OTOG: variants seen among roughly 807,000 people sequenced by gnomAD.
OTOG encodes the protein otogelin.
In OTOG, 296 loss-of-function variants were observed where a neutral mutation model predicts 313.8. The observed-to-expected ratio is 0.94, with a 90% CI of 0.86 to 1.04. The LOEUF is 1.04. Ranked by LOEUF, OTOG falls within the 50% of genes least tolerant of loss-of-function variation. OTOG has a pLI of 0.00. For synonymous variants in OTOG, 1,533 were observed against 1,554.9 expected, an observed-to-expected ratio of 0.99 and a Z score of 0.33; for missense variants, 3,948 against 3,840.1, an observed-to-expected ratio of 1.03 and a Z score of -0.74.
chr11:17,635,215 C>T (rs1372017919), intron 46 of OTOG, 28 bp downstream of exon 46: 1 of 1,511,110 alleles, frequency 6.6e-7, no homozygotes, highest in East Asian at 2.5e-5. Context: ...GACGCCAGCG[C>T]ACACAGCCTG....
intron 15 of OTOG, among the ~76,000 whole-genome samples, chr11:17,564,643 G>A (rs1039625638): frequency 3.9e-5 from 6 of 152,176 alleles, no homozygotes; most frequent in African/African-American, 7.2e-5. Context: ...GCAATGGAGT[G>A]GAGTGGGGAC....
chr11:17,633,654 G>T, intron 42 of OTOG, 26 bp from the exon 43 acceptor site: 2 of 1,500,500 alleles, frequency 1.3e-6, no homozygotes, highest in Non-Finnish European at 1.8e-6. Flanking sequence ...TCTGAGGTAG[G>T]CCTGGTGCCC....
intron 49 of OTOG, among the ~76,000 whole-genome samples, chr11:17,640,311 A>G (rs1462300123): frequency 1.3e-5 from 2 of 152,200 alleles, no homozygotes; most frequent in African/African-American, 4.8e-5. Context: ...GTCTCCAGAG[A>G]TCATGCTCTT....
chr11:17,638,467 C>G lies in OTOG; in HGVS notation c.7812C>G (p.Arg2604=). Residue 2604 remains arginine, a synonymous_variant, in exon 48 of 56, where the codon CGC becomes CGG. Transcript: ENST00000399397. The part of the protein sequence containing the change: ...PLYQCVCENF[R]CPQVQCGLGT... ...TCCCCACAGTGTGTGAGAACTTCCG[C>G]TGTCCCCAAGTGCAGTGTGGCCTGG... The G allele has an allele frequency of 6.5e-7, 1 of 1,549,462 alleles. No individual in the cohort carries two copies. The highest frequency in any genetic ancestry group is 8.7e-7 in the Non-Finnish European group (1 of 1,146,880).
At chr11:17,552,111 C>G in intron 4 of OTOG, 36 bp downstream of exon 4, 1 of 1,540,766 alleles carries the variant, frequency 6.5e-7, no homozygotes, top group South Asian at 1.2e-5. Context: ...ATGGGTTGTG[C>G]ATGGGAGAGC....
intron 1 of OTOG, 160 bp downstream of exon 1, chr11:17,547,626 C>T (rs758081724): frequency 9.3e-5 from 115 of 1,234,408 alleles, no homozygotes; most frequent in Middle Eastern, 7.8e-4. Flanking sequence ...GGAGGGACCC[C>T]GAAGCCAACA....
At chr11:17,620,362 T>G (rs960720359) in intron 39 of OTOG, among the ~76,000 whole-genome samples, 2 of 152,236 alleles carry the variant, frequency 1.3e-5, no homozygotes, top group African/African-American at 4.8e-5. Flanking sequence ...TGTGTCTGGC[T>G]TCTTTTACTG....
Position 17,635,117 on chromosome 11 carries a change from C to T in OTOG, c.7623C>T (p.Pro2541=), listed in dbSNP as rs940873345. The T allele has an allele frequency of 4.5e-6, 7 of 1,549,204 alleles. No homozygotes were observed. The highest frequency in any genetic ancestry group is 4.1e-5 in the African/African-American group (3 of 72,994). The change falls in exon 46 of 56, where the codon CCC becomes CCT. Residue 2541 remains proline, a synonymous_variant. Coordinates refer to ENST00000399397, the MANE Select transcript of OTOG (RefSeq NM_001292063.2). ...ATCTCTGTGAGGCAGAGCTGGTCCC[C>T]AGCTGCCGACAGGACCAGATCCTGA... The part of the protein sequence containing the change: ...DPDLCEAELV[P]SCRQDQILIT...
intron 10 of OTOG, 26 bp from the exon 11 acceptor site, chr11:17,559,026 G>A (rs1208690590): frequency 3.9e-6 from 6 of 1,533,994 alleles, no homozygotes; most frequent in Non-Finnish European, 5.3e-6. Context: ...TTTTGTTCCA[G>A]TGTGACCCTT....
In OTOG at chr11:17,615,821, G is replaced by A. The variant is rs530558897; in HGVS notation, c.6528+2120G>A. 5.3e-5 allele frequency among the ~76,000 whole-genome samples: 8 copies of A among 152,204 alleles called. 1 individual carries two copies. In the South Asian group the frequency reaches 1.5e-3, roughly 28 times the overall value. ...CACGCACCTATAATCCCAGCTACTC[G>A]GGAGGCTGAGGCAGGAAAATCACTT... On this transcript the variant is annotated intron_variant, in intron 39 of 55. Transcript: ENST00000399397.
Position 17,638,504 on chromosome 11 carries a change from G to T in OTOG, c.7849G>T (p.Val2617Leu). 2 of 1,550,432 alleles carry T rather than the reference G, an allele frequency of 1.3e-6. No individual in the cohort carries two copies. The highest frequency in any genetic ancestry group is 1.2e-5 in the South Asian group (1 of 84,062). The change falls in exon 48 of 56, where the codon GTG becomes TTG. Residue 2617 changes from valine to leucine, a missense_variant. Coordinates refer to ENST00000399397, the MANE Select transcript of OTOG (RefSeq NM_001292063.2). ...GCAGTGTGGCCTGGGCACTGCCCTG[G>T]TGGAGGTGTGGAGCCCCGACCGCTG... ...QVQCGLGTAL[V>L]EVWSPDRCCP... is the part of the protein sequence containing the mutation.
Position 17,645,566 on chromosome 11 carries a change from A to G in OTOG, c.8464A>G (p.Lys2822Glu). Residue 2822 changes from lysine to glutamate, a missense_variant and splice_region_variant, in exon 55 of 56, where the codon AAG becomes GAG. Transcript: ENST00000399397. ...GCCTCATCCCCCTGTCCCCCCAGGT[A>G]AGGAGGATGGGCGCTCCTGCAAGAA... Reference protein sequence around the residue: ...PSLEGCCRTCKEDGRSCKKVT... With the variant: ...PSLEGCCRTCEEDGRSCKKVT... The G allele has an allele frequency of 6.4e-7, 1 of 1,550,504 alleles. No homozygotes were observed. The highest frequency in any genetic ancestry group is 1.2e-5 in the South Asian group (1 of 84,034).
At chr11:17,640,503 C>T (rs544488044) in intron 49 of OTOG, among the ~76,000 whole-genome samples, 26 of 152,178 alleles carry the variant, frequency 1.7e-4, no homozygotes, top group Non-Finnish European at 2.9e-4. Context: ...GTAGTGTGAG[C>T]CACCCGGGGC....
rs11024333 is a variant in OTOG, at chr11:17,593,656, G to A, written c.3188G>A (p.Arg1063Gln). 0.16 allele frequency: 244,422 copies of A among 1,548,944 alleles called. 19,994 individuals are homozygous for A. Among genetic ancestry groups the A allele is most frequent in the East Asian group, 0.19 (7,886 of 40,904 alleles). The change falls in exon 27 of 56, where the codon CGA becomes CAA. Residue 1063 changes from arginine (R) to glutamine (Q), a missense_variant. Coordinates refer to ENST00000399397, the MANE Select transcript of OTOG (RefSeq NM_001292063.2). ...LDDKQEVHTW[R>Q]VGFFTLVHFP... ...GACAAGCAGGAGGTCCACACATGGCGAGTGGGATTTTTCACACTGGTGCAT... is the reference window on the plus strand; with the variant it reads ...GACAAGCAGGAGGTCCACACATGGCAAGTGGGATTTTTCACACTGGTGCAT...
At chr11:17,557,072 G>A (rs1035766424) in intron 7 of OTOG, 46 bp from the exon 8 acceptor site, 36 of 1,527,894 alleles carry the variant, frequency 2.4e-5, no homozygotes, top group East Asian at 4.9e-5. Flanking sequence ...GACTGGGCTA[G>A]TGGAGGTGTT....
chr11:17,640,608 G>A (rs1435907764), intron 49 of OTOG, 137 bp from the exon 50 acceptor site: 2 of 886,962 alleles, frequency 2.3e-6, no homozygotes, highest in Non-Finnish European at 3.4e-6. Flanking sequence ...AGGCTGCTGA[G>A]GGGCCCCAGG....
At chr11:17,548,085 C>A in intron 2 of OTOG, 67 bp from the exon 3 acceptor site, 1 of 1,489,516 alleles carries the variant, frequency 6.7e-7, no homozygotes, top group South Asian at 1.3e-5. Context: ...TGGGATAGGC[C>A]AGGGGACTGC....
At chr11:17,631,540 G>C (rs571853029) in intron 40 of OTOG, among the ~76,000 whole-genome samples, 162 bp from the exon 41 acceptor site, 1 of 152,028 alleles carries the variant, frequency 6.6e-6, no homozygotes, top group Non-Finnish European at 1.5e-5. Context: ...TTCTTTTGTA[G>C]CAGGTTTCCT....
At position 17,641,868 on chromosome 11, in the gene OTOG, C is replaced by G; in HGVS notation, c.8212C>G (p.Arg2738Gly). The G allele has an allele frequency of 6.5e-7, 1 of 1,550,184 alleles. No individual in the cohort carries two copies. Among genetic ancestry groups the G allele is most frequent in the East Asian group, 2.4e-5 (1 of 40,904 alleles). The change falls in exon 52 of 56, where the codon CGG becomes GGG. Residue 2738 changes from arginine to glycine, a missense_variant. Transcript: ENST00000399397. ...CEANQEYEHP[R>G]DLAACCGSCR... The stretch of plus-strand genomic sequence containing the variant: ...GTAGAACCAGGAGTACGAGCACCCG[C>G]GGGACCTCGCTGCCTGCTGCGGCTC...
Sources: allele counts gnomAD v4.1 joint callset (sites outside exome capture counted in the v4.1 genomes callset), GRCh38; gene constraint gnomAD v4.1.1; transcripts MANE v1.5; gene names NCBI Gene and HGNC (gene_info 2026-07-23, HGNC 2026-07-21).